Variants in SKA2 observed in about 807,000 individuals in gnomAD.
SKA2 encodes the protein spindle and kinetochore associated complex subunit 2.
A neutral mutation model predicts 16.9 loss-of-function variants in SKA2; 13 were observed. That is an observed-to-expected ratio of 0.77 (90% CI 0.50 to 1.22). SKA2 has a LOEUF of 1.22. Ranked by LOEUF, SKA2 falls within the 50% of genes most tolerant of loss-of-function variation. The pLI is 0.00. For synonymous variants in SKA2, 47 were observed against 48.5 expected, an observed-to-expected ratio of 0.97 and a Z score of 0.13; for missense variants, 107 against 139.7, an observed-to-expected ratio of 0.77 and a Z score of 1.18.
intron 3 of SKA2, among the ~76,000 whole-genome samples, chr17:59,117,532 G>C (rs188113317): frequency 1.3e-5 from 2 of 151,820 alleles, no homozygotes; most frequent in Admixed American, 1.3e-4. Context: ...GGAACTACCA[G>C]CATGCACTCC....
intron 2 of SKA2, among the ~76,000 whole-genome samples, chr17:59,125,678 C>T (rs557134039): frequency 1.4e-5 from 2 of 140,138 alleles, no homozygotes; most frequent in South Asian, 2.3e-4. Flanking sequence ...GGTGAGACTC[C>T]GTCTCCAAAA....
chr17:59,119,565 T>G (rs1026504555), intron 2 of SKA2, 70 bp from the exon 3 acceptor site: 1 of 1,341,410 alleles, frequency 7.5e-7, no homozygotes, highest in Admixed American at 1.8e-5. Flanking sequence ...TAAAATACTG[T>G]ATACATACAA....
At chr17:59,116,728 C>G (rs1443342565) in intron 3 of SKA2, among the ~76,000 whole-genome samples, 3 of 151,610 alleles carry the variant, frequency 2.0e-5, no homozygotes, top group Non-Finnish European at 4.4e-5. Context: ...TTCTTGTTCC[C>G]CAGATAATTT....
chr17:59,135,587 A>AT (rs1037232064), intron 1 of SKA2, among the ~76,000 whole-genome samples: 1 of 151,890 alleles, frequency 6.6e-6, no homozygotes, highest in African/African-American at 2.4e-5. Flanking sequence ...AAGTGGTGGG[A>AT]TTACAGGCTT....
At chr17:59,154,027 C>A (rs2046598536) in intron 1 of SKA2, among the ~76,000 whole-genome samples, 1 of 151,754 alleles carries the variant, frequency 6.6e-6, no homozygotes, top group African/African-American at 2.4e-5. Context: ...GCCTCGGCCT[C>A]CCAAAGTGCC....
intron 3 of SKA2, 39 bp downstream of exon 3, chr17:59,119,280 A>G (rs775734655): frequency 2.5e-6 from 4 of 1,604,240 alleles, no homozygotes; most frequent in Non-Finnish European, 8.5e-7. Flanking sequence ...ACTCAGAGCT[A>G]AAGCTAAACA....
intron 2 of SKA2, among the ~76,000 whole-genome samples, chr17:59,121,152 A>C (rs2147797436): frequency 1.8e-5 from 1 of 56,888 alleles, no homozygotes; most frequent in Admixed American, 1.4e-4. Context: ...ACTCCGTCTC[A>C]AAAAAAAAAA....
intron 1 of SKA2, among the ~76,000 whole-genome samples, chr17:59,149,262 C>T (rs2046558549): frequency 6.6e-6 from 1 of 152,158 alleles, no homozygotes; most frequent in African/African-American, 2.4e-5. Context: ...AACCCCAGCA[C>T]TTTGGGAGAC....
At chr17:59,141,582 A>G (rs2046490181) in intron 1 of SKA2, among the ~76,000 whole-genome samples, 1 of 150,902 alleles carries the variant, frequency 6.6e-6, no homozygotes, top group South Asian at 2.1e-4. Flanking sequence ...AAATACAAAA[A>G]CTAGCCAGTG....
intron 3 of SKA2, among the ~76,000 whole-genome samples, chr17:59,116,951 T>C (rs2046300798): frequency 6.6e-6 from 1 of 151,190 alleles, no homozygotes; most frequent in African/African-American, 2.4e-5. Flanking sequence ...GAGTAGCTGG[T>C]ACTACAGGCG....
intron 1 of SKA2, among the ~76,000 whole-genome samples, chr17:59,146,281 A>C (rs1241041569): frequency 6.6e-6 from 1 of 152,120 alleles, no homozygotes; most frequent in Non-Finnish European, 1.5e-5. Context: ...GGAGGATCAC[A>C]TGAGGCTAGG....
At chr17:59,127,983 C>A (rs796695144) in intron 2 of SKA2, among the ~76,000 whole-genome samples, 2 of 151,826 alleles carry the variant, frequency 1.3e-5, no homozygotes, top group Non-Finnish European at 2.9e-5. Context: ...TTTGGGAGGC[C>A]GAGGTGGGTG....
chr17:59,130,957 CA>C (rs1212051457), intron 2 of SKA2, among the ~76,000 whole-genome samples: 1 of 152,166 alleles, frequency 6.6e-6, no homozygotes, highest in African/African-American at 2.4e-5. Context: ...CTTCTCCCCT[CA>C]AACTTACTGA....
intron 1 of SKA2, among the ~76,000 whole-genome samples, chr17:59,144,409 G>T (rs1318751437): frequency 2.0e-5 from 3 of 151,818 alleles, no homozygotes. Flanking sequence ...TCCACTTCTG[G>T]GTATACACCT....
intron 1 of SKA2, among the ~76,000 whole-genome samples, chr17:59,141,697 C>A (rs967496584): frequency 4.7e-5 from 7 of 147,490 alleles, no homozygotes; most frequent in Non-Finnish European, 1.0e-4. Context: ...GCACTCCAAC[C>A]TGCATGACAG....
At chr17:59,112,450 T>G in intron 3 of SKA2, 105 bp from the exon 4 acceptor site, 15 of 769,838 alleles carry the variant, frequency 1.9e-5, no homozygotes, top group Non-Finnish European at 3.1e-5. Context: ...CCTAAGCTTA[T>G]ACTATGTATG....
At chr17:59,113,352 T>C (rs2147790573) in intron 3 of SKA2, among the ~76,000 whole-genome samples, 1 of 150,346 alleles carries the variant, frequency 6.7e-6, no homozygotes, top group East Asian at 2.0e-4. Flanking sequence ...TGAAACCCCA[T>C]CTCTACTAAA....
intron 3 of SKA2, among the ~76,000 whole-genome samples, chr17:59,115,496 CTG>C (rs2046290364): frequency 6.6e-6 from 1 of 152,206 alleles, no homozygotes; most frequent in African/African-American, 2.4e-5. Flanking sequence ...CAAGGATAAA[CTG>C]AAAAACAATC....
rs372684380 is a variant in SKA2, at chr17:59,124,827, T to C, written c.121-5332A>G. Among the ~76,000 whole-genome samples, 11 of 152,190 alleles carry C rather than the reference T, an allele frequency of 7.2e-5. No individual in the cohort carries two copies. The South Asian group carries it at 2.3e-3, about 32-fold the overall frequency. ...TCAATAAGACTGACATGGCAGTGAGTAATTTAGGACAACATGATTTGCATT... is the reference window on the plus strand; with the variant it reads ...TCAATAAGACTGACATGGCAGTGAGCAATTTAGGACAACATGATTTGCATT... On this transcript the variant is annotated intron_variant, in intron 2 of 3. Transcript: ENST00000330137.
Sources: allele counts gnomAD v4.1 joint callset (sites outside exome capture counted in the v4.1 genomes callset), GRCh38; gene constraint gnomAD v4.1.1; transcripts MANE v1.5; gene names NCBI Gene and HGNC (gene_info 2026-07-23, HGNC 2026-07-21).